The following MSRA variants were observed in gnomAD, a reference collection of about 807,000 sequenced individuals.
The protein encoded by MSRA is methionine sulfoxide reductase A.
In MSRA, 54 loss-of-function variants were observed where a neutral mutation model predicts 31.3. The observed-to-expected ratio is 1.73, with a 90% CI of 1.39 to 2.17. The LOEUF (loss-of-function observed/expected upper bound fraction) is 2.17. Among genes scored for constraint, MSRA ranks in the 30% most tolerant of loss-of-function variants. The pLI, the probability that MSRA is intolerant of heterozygous loss-of-function variation, is 0.00. For missense variants in MSRA, 507 were observed against 300.9 expected (o/e 1.69, Z -5.07); for synonymous variants, 169 against 116.5 (o/e 1.45, Z -2.90).
intron 5 of MSRA, among the ~76,000 whole-genome samples, chr8:10,341,373 T>G (rs1460070455): frequency 6.6e-6 from 1 of 151,832 alleles, no homozygotes; most frequent in Non-Finnish European, 1.5e-5. Context: ...GTGCCACACG[T>G]TTTGAAAGAC....
At chr8:10,092,583 A>C (rs528874970) in intron 1 of MSRA, among the ~76,000 whole-genome samples, 1 of 151,938 alleles carries the variant, frequency 6.6e-6, no homozygotes, top group South Asian at 2.1e-4. Flanking sequence ...GCTTGAATCC[A>C]GGAAGTGGAG....
chr8:10,139,716 C>G (rs1444789917), intron 1 of MSRA, among the ~76,000 whole-genome samples: 1 of 152,142 alleles, frequency 6.6e-6, no homozygotes, highest in African/African-American at 2.4e-5. Context: ...AGTAGTAGTC[C>G]ACTGTATGTA....
chr8:10,099,030 A>T (rs889449693), intron 1 of MSRA, among the ~76,000 whole-genome samples: 4 of 152,136 alleles, frequency 2.6e-5, no homozygotes, highest in African/African-American at 9.7e-5. Flanking sequence ...AAGGTTTGCT[A>T]GGGGGTGTGG....
intron 5 of MSRA, chr8:10,337,509 A>G (rs1472195004): frequency 5.3e-6 from 3 of 568,402 alleles, no homozygotes; most frequent in Non-Finnish European, 9.4e-6. Context: ...ATGAATCCAA[A>G]AAGACTGTGT....
chr8:10,396,727 TC>T (rs1239988108), intron 5 of MSRA, among the ~76,000 whole-genome samples: 5 of 152,238 alleles, frequency 3.3e-5, no homozygotes, highest in African/African-American at 1.2e-4. Context: ...CTCTTCTGTT[TC>T]TGTTTTTCCT....
At chr8:10,244,849 C>G (rs879497914) in intron 2 of MSRA, among the ~76,000 whole-genome samples, 1 of 152,086 alleles carries the variant, frequency 6.6e-6, no homozygotes, top group African/African-American at 2.4e-5. Flanking sequence ...TTTACTAACT[C>G]CTTTAAATTT....
At chr8:10,055,683 G>A (rs975426885) in intron 1 of MSRA, among the ~76,000 whole-genome samples, 1 of 152,258 alleles carries the variant, frequency 6.6e-6, no homozygotes, top group African/African-American at 2.4e-5. Flanking sequence ...ATGGCTCAAT[G>A]CCAGAGAAAT....
chr8:10,130,550 C>G (rs1215100159), intron 1 of MSRA, among the ~76,000 whole-genome samples: 1 of 152,112 alleles, frequency 6.6e-6, no homozygotes, highest in Non-Finnish European at 1.5e-5. Context: ...AGCTATTAGA[C>G]AAAAATTGTG....
At chr8:10,217,980 C>G (rs929422176) in intron 2 of MSRA, among the ~76,000 whole-genome samples, 1 of 151,888 alleles carries the variant, frequency 6.6e-6, no homozygotes, top group Non-Finnish European at 1.5e-5. Flanking sequence ...TGTCCTATTT[C>G]CTTTAGTCTT....
At chr8:10,222,678 G>T (rs563449506) in intron 2 of MSRA, among the ~76,000 whole-genome samples, 1 of 152,126 alleles carries the variant, frequency 6.6e-6, no homozygotes, top group Non-Finnish European at 1.5e-5. Context: ...AAATCCTGTC[G>T]TTGGCAACAG....
chr8:10,355,668 G>A (rs776702322), intron 5 of MSRA, among the ~76,000 whole-genome samples: 3 of 152,144 alleles, frequency 2.0e-5, no homozygotes, highest in Non-Finnish European at 4.4e-5. Context: ...GCTTCTGAAT[G>A]TCCTGGCTGC....
intron 5 of MSRA, among the ~76,000 whole-genome samples, chr8:10,343,896 G>C (rs1177181834): frequency 6.6e-6 from 1 of 152,206 alleles, no homozygotes; most frequent in South Asian, 2.1e-4. Context: ...ATCCTGTTCA[G>C]ACATATGTGG....
chr8:10,121,070 T>G (rs923192186), intron 1 of MSRA, among the ~76,000 whole-genome samples: 58 of 152,334 alleles, frequency 3.8e-4, no homozygotes, highest in African/African-American at 1.3e-3. Flanking sequence ...ACTTAAAAAA[T>G]GCCATTTGAA....
intron 1 of MSRA, among the ~76,000 whole-genome samples, chr8:10,081,315 T>G (rs1376164623): frequency 2.0e-5 from 3 of 152,218 alleles, no homozygotes; most frequent in Non-Finnish European, 2.9e-5. Context: ...CATTTGGGCC[T>G]CCTGCTCCTT....
At chr8:10,287,056 G>T (rs767976747) in intron 3 of MSRA, among the ~76,000 whole-genome samples, 1 of 152,218 alleles carries the variant, frequency 6.6e-6, no homozygotes, top group Non-Finnish European at 1.5e-5. Context: ...TTGTTGAAAC[G>T]TTTGGTGTGT....
intron 1 of MSRA, among the ~76,000 whole-genome samples, chr8:10,069,163 A>T (rs1020104237): frequency 6.6e-6 from 1 of 152,154 alleles, no homozygotes; most frequent in African/African-American, 2.4e-5. Context: ...TAGTTCCAGG[A>T]TGTTTTCTGG....
intron 1 of MSRA, among the ~76,000 whole-genome samples, chr8:10,144,508 C>T (rs1802972665): frequency 6.6e-6 from 1 of 152,182 alleles, no homozygotes; most frequent in South Asian, 2.1e-4. Context: ...ATAGATGAAA[C>T]AGAACCAACA....
At chr8:10,403,811 C>T (rs1038456128) in intron 5 of MSRA, among the ~76,000 whole-genome samples, 3 of 152,322 alleles carry the variant, frequency 2.0e-5, no homozygotes, top group Admixed American at 6.5e-5. Context: ...GCTCTGCATG[C>T]CCAGGCCGTG....
At chr8:10,219,805 C>CAAAAAAAA (rs202000887) in intron 2 of MSRA, among the ~76,000 whole-genome samples, 1,316 of 45,894 alleles carry the variant, frequency 0.029, 119 homozygotes, top group East Asian at 0.078. Flanking sequence ...GACTCTGTCT[C>CAAAAAAAA]CAAAAAAAAA....
Sources: gnomAD v4.1 joint callset for allele counts (sites outside exome capture counted in the v4.1 genomes callset) on GRCh38, gnomAD v4.1.1 for gene constraint, MANE v1.5 for transcripts, NCBI Gene and HGNC (gene_info 2026-07-23, HGNC 2026-07-21) for gene names.